KIF1C: variants seen among roughly 807,000 people sequenced by gnomAD.
The protein encoded by KIF1C is kinesin-like protein KIF1C.
KIF1C carries 61 observed loss-of-function variants against 126.5 expected under a neutral mutation model. That is an observed-to-expected ratio of 0.48 (90% confidence interval 0.39 to 0.60). The LOEUF (loss-of-function observed/expected upper bound fraction) is 0.60. KIF1C is among the 20% of genes least tolerant of loss of function. The pLI is 0.00. For missense variants in KIF1C, 1,315 were observed against 1,489.2 expected (o/e 0.88, Z 1.93); for synonymous variants, 640 against 580.6 (o/e 1.10, Z -1.47).
At chr17:5,003,404 G>C (rs975338932) in intron 8 of KIF1C, among the ~76,000 whole-genome samples, 1 of 152,114 alleles carries the variant, frequency 6.6e-6, no homozygotes, top group Non-Finnish European at 1.5e-5. Context: ...GTCCATGCCT[G>C]CGGTGGGCCT....
At chr17:5,005,786 G>A (rs1316447876) in intron 13 of KIF1C, among the ~76,000 whole-genome samples, 1 of 151,136 alleles carries the variant, frequency 6.6e-6, no homozygotes, top group Non-Finnish European at 1.5e-5. Context: ...GAGTGCAGTG[G>A]CTCCATCTTG....
chr17:5,023,598 G>A lies in KIF1C; in HGVS notation c.2759G>A (p.Ser920Asn), dbSNP rs1975138165. ...CGGCCCCCCTCGCCACCACTGTCAAGCTGGGAGCGGGTGTCACGGCTCATG... is the reference window on the plus strand; with the variant it reads ...CGGCCCCCCTCGCCACCACTGTCAAACTGGGAGCGGGTGTCACGGCTCATG... ...SARPPSPPLSSWERVSRLMEE... is the reference protein window; with the variant it reads ...SARPPSPPLSNWERVSRLMEE... Residue 920 changes from serine to asparagine, a missense_variant, in exon 23 of 23, where the codon AGC (serine) becomes AAC (asparagine). By Grantham distance (46) the Ser-to-Asn change is conservative (BLOSUM62 1). Transcript: ENST00000320785. This position sits in a 1 kb window ranked among gnomAD's most constrained non-coding sequence, Gnocchi z 4.2. 6.2e-7 allele frequency: 1 copy of A among 1,613,750 alleles called. No individual in the cohort carries two copies. Among genetic ancestry groups the A allele is most frequent in the Non-Finnish European group, 8.5e-7 (1 of 1,179,924 alleles).
intron 18 of KIF1C, among the ~76,000 whole-genome samples, chr17:5,015,645 T>A (rs1287346294): frequency 7.1e-6 from 1 of 141,690 alleles, no homozygotes; most frequent in African/African-American, 2.6e-5. Context: ...TCCCCCAGGC[T>A]GGAGTGCAGT....
chr17:5,018,760 T>A (rs764899835), intron 18 of KIF1C, among the ~76,000 whole-genome samples: 33 of 151,876 alleles, frequency 2.2e-4, no homozygotes, highest in Non-Finnish European at 4.4e-4. Context: ...CTTTAGATTA[T>A]CTTGTTTATT....
At position 5,020,872 on chromosome 17, in the gene KIF1C, G is replaced by A; in HGVS notation, c.2004G>A (p.Gln668=). 1 of 1,578,216 alleles carries A rather than the reference G, an allele frequency of 6.3e-7. No homozygotes were observed. The highest frequency in any genetic ancestry group is 8.6e-7 in the Non-Finnish European group (1 of 1,161,750). ...AAGCCGATCTTCTGCTGGAGCAGCA[G>A]CGACTGGTGAGGGGCAGCAGGGGCT... ...KEEADLLLEQ[Q]RLYADSDSGD... Residue 668 remains glutamine, a synonymous_variant, in exon 21 of 23, where the codon CAG becomes CAA. Transcript: ENST00000320785. This position sits in a 1 kb window ranked among gnomAD's most constrained non-coding sequence, Gnocchi z 5.8.
Position 5,004,915 on chromosome 17 carries a change from C to CGG in KIF1C, c.1080_1081insGG (p.Arg361GlyfsTer3). 1 of 1,614,234 alleles carries CGG rather than the reference C, an allele frequency of 6.2e-7. No individual in the cohort carries two copies. The highest frequency in any genetic ancestry group is 8.5e-7 in the Non-Finnish European group (1 of 1,180,042). On this transcript the variant is annotated frameshift_variant, in exon 13 of 23. Coordinates refer to ENST00000320785, the MANE Select transcript of KIF1C (RefSeq NM_006612.6). LOFTEE classifies it high-confidence loss of function. ...CCATCATCAACGAGGACCCTAATGC[C>CGG]CGGCTGATTAGAGAGCTGCAGGAGG... is the stretch of plus-strand genomic sequence containing the variant.
intron 16 of KIF1C, among the ~76,000 whole-genome samples, chr17:5,007,906 A>T (rs909704193): frequency 2.0e-5 from 3 of 152,230 alleles, no homozygotes; most frequent in Non-Finnish European, 4.4e-5. Context: ...ACTAAAGGGA[A>T]TAGAGGAGGC....
In KIF1C at chr17:5,023,967, C is replaced by T. The variant is rs373541138; in HGVS notation, c.3128C>T (p.Ala1043Val). 214 of 1,580,570 alleles carry T rather than the reference C, an allele frequency of 1.4e-4. No homozygotes were observed. The highest frequency in any genetic ancestry group is 4.0e-4 in the Admixed American group (22 of 54,508). Residue 1043 changes from alanine to valine, a missense_variant, in exon 23 of 23, where the codon GCG becomes GTG. Ala to Val is a moderately conservative substitution (Grantham distance 64). Around this residue, in one of 2 missense-constraint regions of KIF1C, gnomAD observed 441 missense variants for 436.1 expected, o/e 1.01. Transcript: ENST00000320785. The surrounding 1 kb of genome is among the most constrained non-coding windows in gnomAD (Gnocchi z 4.2). ...GATGGAGGGGGCCGATCCCGGGGAGCGGGTTCTGCACAGCCTGAACCCCAG... is the reference window on the plus strand; with the variant it reads ...GATGGAGGGGGCCGATCCCGGGGAGTGGGTTCTGCACAGCCTGAACCCCAG... ...SLDGGGRSRG[A>V]GSAQPEPQHF...
chr17:5,013,585 GCTCCCTTT>G (rs1974911243), intron 16 of KIF1C, 60 bp from the exon 17 acceptor site: 1 of 1,153,766 alleles, frequency 8.7e-7, no homozygotes, highest in Non-Finnish European at 1.3e-6. Flanking sequence ...TCCTCCCACC[GCTCCCTTT>G]CTTCCTTTCT....
chr17:4,999,414 C>G (rs1277524365), intron 1 of KIF1C, among the ~76,000 whole-genome samples: 1 of 152,198 alleles, frequency 6.6e-6, no homozygotes, highest in Non-Finnish European at 1.5e-5. Context: ...CACCCTGTCT[C>G]TTTAACACCG....
intron 21 of KIF1C, among the ~76,000 whole-genome samples, chr17:5,021,250 G>A (rs1434120952): frequency 4.0e-5 from 5 of 126,258 alleles, no homozygotes; most frequent in Non-Finnish European, 7.8e-5. Context: ...TCGACTTACT[G>A]TAGCCTCCGC....
At chr17:5,019,022 A>C (rs1175203033) in intron 18 of KIF1C, among the ~76,000 whole-genome samples, 1 of 151,846 alleles carries the variant, frequency 6.6e-6, no homozygotes, top group African/African-American at 2.4e-5. Flanking sequence ...TCCCCGACCC[A>C]CCGTGATGCC....
At chr17:4,998,415 C>T (rs1047430802) in intron 1 of KIF1C, among the ~76,000 whole-genome samples, 2 of 152,184 alleles carry the variant, frequency 1.3e-5, no homozygotes, top group Non-Finnish European at 1.5e-5. Flanking sequence ...TGCAGGTGGC[C>T]CAAGACCCCC....
At chr17:5,006,222 C>T (rs1974730166) in intron 13 of KIF1C, among the ~76,000 whole-genome samples, 1 of 151,762 alleles carries the variant, frequency 6.6e-6, no homozygotes, top group African/African-American at 2.4e-5. Flanking sequence ...AAAAGTTCGA[C>T]ACAGAGGTTT....
chr17:5,008,416 TC>T (rs1472252377), intron 16 of KIF1C, among the ~76,000 whole-genome samples: 3 of 152,118 alleles, frequency 2.0e-5, no homozygotes, highest in Non-Finnish European at 4.4e-5. Flanking sequence ...AGCATGAACT[TC>T]CAGTTCCACC....
At position 5,027,743 on chromosome 17, in the gene KIF1C, C is replaced by T. The variant is rs117195396; in HGVS notation, c.*3592C>T. 3,208 of 152,068 alleles carry T rather than the reference C, an allele frequency of 0.021. 49 individuals are homozygous for T. Among genetic ancestry groups the T allele is most frequent in the Non-Finnish European group, 0.035 (2,349 of 68,056 alleles). The allele number at this position is 152,068 out of a possible 1,614,324, so 9.4% of individuals were successfully genotyped here. A position where few individuals can be genotyped will look rare whatever the true frequency, so the allele number is the denominator to read the frequency against. ...TCTGTAATCCCAGCACTTTGGGAGGCGGAGGCGGGAGGACTGTTTGAGCTC... is the reference window on the plus strand; with the variant it reads ...TCTGTAATCCCAGCACTTTGGGAGGTGGAGGCGGGAGGACTGTTTGAGCTC... On this transcript the variant is annotated 3_prime_UTR_variant, in exon 23 of 23. Transcript: ENST00000320785.
chr17:5,010,713 C>G (rs1010926932), intron 16 of KIF1C, among the ~76,000 whole-genome samples: 5 of 151,050 alleles, frequency 3.3e-5, no homozygotes, highest in Non-Finnish European at 7.4e-5. Flanking sequence ...TGCCACTGCA[C>G]TCCAGCCCAG....
chr17:5,000,398 G>C lies in KIF1C; in HGVS notation c.106+46G>C, dbSNP rs774299795. The C allele has an allele frequency of 8.3e-6, 11 of 1,319,948 alleles. 1 individual carries two copies. The South Asian group carries it at 1.4e-4, about 17-fold the overall frequency. 81.8% of individuals were successfully genotyped at this position (1,319,948 alleles called of 1,614,324 possible). A position where few individuals can be genotyped will look rare whatever the true frequency, so the allele number is the denominator to read the frequency against. On this transcript the variant is annotated intron_variant, in intron 3 of 22. Coordinates refer to ENST00000320785, the MANE Select transcript of KIF1C (RefSeq NM_006612.6). Reference sequence around the variant, plus strand: ...TGGCTGGGCACAGGCAGGGAAGGCCGGGCCCACCACACAGGCCAGTCCCGC... The same window carrying C: ...TGGCTGGGCACAGGCAGGGAAGGCCCGGCCCACCACACAGGCCAGTCCCGC...
At chr17:5,002,936 C>A in intron 8 of KIF1C, 94 bp downstream of exon 8, 1 of 1,016,256 alleles carries the variant, frequency 9.8e-7, no homozygotes, top group Admixed American at 2.0e-5. Context: ...GCCCTCCCTG[C>A]CCATGCTGGG....
Sources: allele counts gnomAD v4.1 joint callset (sites outside exome capture counted in the v4.1 genomes callset), GRCh38; gene constraint gnomAD v4.1.1; regional missense constraint gnomAD v4.1.1; non-coding constraint Gnocchi (gnomAD v3.1); transcripts MANE v1.5; gene names NCBI Gene and HGNC (gene_info 2026-07-23, HGNC 2026-07-21).